Variants in AQR observed in about 807,000 individuals in gnomAD.
AQR encodes RNA helicase aquarius.
Under a neutral mutation model 180.5 loss-of-function variants are expected in AQR, and 61 were observed. The observed-to-expected ratio is 0.34, with a 90% confidence interval of 0.28 to 0.42. The LOEUF is 0.42. Ranked by LOEUF, AQR falls within the 10% of genes least tolerant of loss-of-function variation. The probability of loss-of-function intolerance (pLI) is 1.00; values close to 1 mark genes in which losing one functional copy is unlikely to be tolerated. For synonymous variants in AQR, 551 were observed against 588.8 expected (o/e 0.94, Z 0.93); for missense variants, 1,281 against 1,798.3 (o/e 0.71, Z 5.20).
intron 7 of AQR, 52 bp from the exon 8 acceptor site, chr15:34,941,051 A>G (rs1894014965): frequency 1.6e-6 from 2 of 1,287,888 alleles, no homozygotes; most frequent in Middle Eastern, 1.9e-4. Flanking sequence ...GTTTACAAGG[A>G]TAAGGATTAG....
intron 5 of AQR, among the ~76,000 whole-genome samples, chr15:34,946,915 C>T (rs1407006130): frequency 6.1e-5 from 9 of 148,226 alleles, no homozygotes; most frequent in South Asian, 2.2e-4. Context: ...TCCGGCCAGC[C>T]GCCCCATCCG....
rs193116635 is a variant in AQR, at chr15:34,934,541, A to G, written c.783+30T>C. 160 of 1,538,638 alleles carry G rather than the reference A, an allele frequency of 1.0e-4. No individual in the cohort carries two copies. The African/African-American group carries it at 1.2e-3, about 12-fold the overall frequency. Reference sequence around the variant, plus strand: ...TAATCTTAGACCCCCTAATGATTATATAACAAAAAAGTCACGGTAGATTTC... The same window carrying G: ...TAATCTTAGACCCCCTAATGATTATGTAACAAAAAAGTCACGGTAGATTTC... On this transcript the variant is annotated intron_variant, in intron 10 of 34. Coordinates refer to ENST00000156471, the MANE Select transcript of AQR (RefSeq NM_014691.3).
intron 3 of AQR, among the ~76,000 whole-genome samples, chr15:34,958,216 A>G (rs1370969650): frequency 1.3e-5 from 2 of 152,042 alleles, no homozygotes; most frequent in African/African-American, 2.4e-5. Context: ...CAAAAAATAA[A>G]AAAGAATAAC....
chr15:34,912,959 A>G lies in AQR; in HGVS notation c.1484+2079T>C, dbSNP rs138701826. On this transcript the variant is annotated intron_variant, in intron 16 of 34. Transcript: ENST00000156471. Reference sequence around the variant, plus strand: ...CAATGGCTTGGTTAGTATTGGGACAATGTCTAAAAGGAATTACTTAGTGGC... The same window carrying G: ...CAATGGCTTGGTTAGTATTGGGACAGTGTCTAAAAGGAATTACTTAGTGGC... Among the ~76,000 whole-genome samples, 5 of 152,334 alleles carry G rather than the reference A, an allele frequency of 3.3e-5. No individual in the cohort carries two copies. In the East Asian group the frequency reaches 9.6e-4, roughly 29 times the overall value.
intron 2 of AQR, among the ~76,000 whole-genome samples, chr15:34,961,962 C>T (rs908781142): frequency 2.6e-5 from 4 of 151,344 alleles, no homozygotes; most frequent in Admixed American, 6.6e-5. Flanking sequence ...AAAAAAAATA[C>T]TACTGTAAAA....
At chr15:34,931,920 T>C (rs1040577408) in intron 11 of AQR, among the ~76,000 whole-genome samples, 5 of 152,210 alleles carry the variant, frequency 3.3e-5, no homozygotes, top group African/African-American at 1.2e-4. Flanking sequence ...TTAAGTGCAT[T>C]TGCAGCTTCC....
At chr15:34,943,036 T>C (rs1894049642) in intron 6 of AQR, 2 of 1,584,380 alleles carry the variant, frequency 1.3e-6, no homozygotes, top group Non-Finnish European at 1.7e-6. Context: ...TTTAGTTTAA[T>C]AAATGTTAAA....
chr15:34,956,965 T>C (rs927963892), intron 3 of AQR, among the ~76,000 whole-genome samples: 3 of 108,222 alleles, frequency 2.8e-5, no homozygotes, highest in African/African-American at 5.4e-5. Context: ...CAAACTTGGA[T>C]GAAGAATTCA....
intron 2 of AQR, among the ~76,000 whole-genome samples, 177 bp downstream of exon 2, chr15:34,964,057 T>C (rs1217556947): frequency 6.6e-6 from 1 of 152,218 alleles, no homozygotes; most frequent in Admixed American, 6.5e-5. Context: ...GTAGTTTCTA[T>C]GTCTTCCAAA....
chr15:34,859,646 T>C lies in AQR; in HGVS notation c.4143+396A>G, dbSNP rs115539624. The stretch of plus-strand genomic sequence containing the variant: ...TCCATTTATATAAAAATCTAGAAAA[T>C]AGAAGCAAACCTATCATGACAGAAA... On this transcript the variant is annotated intron_variant, in intron 34 of 34. Coordinates refer to ENST00000156471, the MANE Select transcript of AQR (RefSeq NM_014691.3). Among the ~76,000 whole-genome samples the C allele has an allele frequency of 3.0e-3, 459 of 151,892 alleles. 2 individuals carry two copies. The highest frequency in any genetic ancestry group is 0.011 in the African/African-American group (437 of 41,370).
At chr15:34,894,567 G>A (rs1893201507) in intron 22 of AQR, among the ~76,000 whole-genome samples, 1 of 152,118 alleles carries the variant, frequency 6.6e-6, no homozygotes, top group Non-Finnish European at 1.5e-5. Context: ...TATCTGGAAT[G>A]TAGAATAAAT....
intron 19 of AQR, 60 bp from the exon 20 acceptor site, chr15:34,900,923 A>C (rs1893322849): frequency 3.9e-6 from 6 of 1,521,680 alleles, no homozygotes; most frequent in Admixed American, 4.1e-5. Flanking sequence ...ATTTGCACTT[A>C]CTGGAATGCA....
intron 17 of AQR, among the ~76,000 whole-genome samples, chr15:34,908,693 T>A (rs550250408): frequency 6.6e-6 from 1 of 152,346 alleles, no homozygotes; most frequent in African/African-American, 2.4e-5. Context: ...GACTGTCTCA[T>A]GTCCTTCTGA....
chr15:34,857,135 T>C (rs778574058), intron 34 of AQR, 29 bp from the exon 35 acceptor site: 10 of 1,500,898 alleles, frequency 6.7e-6, no homozygotes, highest in South Asian at 5.3e-5. Context: ...ACAAAGACAA[T>C]ACCAATATGA....
Position 34,886,769 on chromosome 15 carries a change from C to G in AQR, c.2682-108G>C, listed in dbSNP as rs929449740. ...TAATAGCAAAGAAGAGGAAAAAAAA[C>G]TAGAAGATATGGCTTCTATTTAACT... On this transcript the variant is annotated intron_variant, in intron 24 of 34. Transcript: ENST00000156471. The G allele has an allele frequency of 6.1e-6, 7 of 1,145,652 alleles. No homozygotes were observed. The African/African-American group carries it at 1.1e-4, about 18-fold the overall frequency. The allele number at this position is 1,145,652 out of a possible 1,614,324, so 71.0% of individuals were successfully genotyped here.
chr15:34,874,874 A>G lies in AQR; in HGVS notation c.3238-10T>C. The G allele has an allele frequency of 1.2e-6, 2 of 1,610,958 alleles. No homozygotes were observed. Among genetic ancestry groups the G allele is most frequent in the Non-Finnish European group, 1.7e-6 (2 of 1,178,772 alleles). On this transcript the variant is annotated splice_polypyrimidine_tract_variant and intron_variant, in intron 28 of 34. Transcript: ENST00000156471. ...ATCCATCCTGAGGATTCTAGAAATG[A>G]AAAGTAAGGAAATGGCAAAATACTC...
At position 34,930,332 on chromosome 15, in the gene AQR, TA is replaced by T; in HGVS notation, c.939del (p.Asn314MetfsTer8). ...DMLKFYTGFEINDQTGNALTE... is the reference protein window; with the variant it reads ...DMLKFYTGFEXNDQTGNALTE... ...GTCAGAGCATTTCCAGTTTGGTCAT[TA>T]ATTTCAAAACCAGTATAGAATTTAA... On this transcript the variant is annotated frameshift_variant, in exon 12 of 35. Coordinates refer to ENST00000156471, the MANE Select transcript of AQR (RefSeq NM_014691.3). LOFTEE classifies it high-confidence loss of function. 6.2e-7 allele frequency: 1 copy of T among 1,610,866 alleles called. No homozygotes were observed.
At chr15:34,930,440 A>G in intron 11 of AQR, 69 bp from the exon 12 acceptor site, 2 of 863,218 alleles carry the variant, frequency 2.3e-6, no homozygotes, top group Admixed American at 2.0e-5. Flanking sequence ...ACTGTTTAAA[A>G]TAATAAACAG....
chr15:34,922,524 A>C (rs1029412923), intron 13 of AQR, among the ~76,000 whole-genome samples: 19 of 152,002 alleles, frequency 1.2e-4, no homozygotes. Flanking sequence ...CCTTGCCAAG[A>C]GTCAATATTA....
Sources: allele counts gnomAD v4.1 joint callset (sites outside exome capture counted in the v4.1 genomes callset), GRCh38; gene constraint gnomAD v4.1.1; transcripts MANE v1.5; gene names NCBI Gene and HGNC (gene_info 2026-07-23, HGNC 2026-07-21).